Variants in C4orf36 observed in about 807,000 individuals in gnomAD.
The protein encoded by C4orf36 is chromosome 4 open reading frame 36, also known as uncharacterized protein C4orf36.
Under a neutral mutation model 12.2 loss-of-function variants are expected in C4orf36, and 11 were observed. The ratio of observed to expected loss-of-function variants is 0.90; its 90% CI spans 0.57 to 1.49. C4orf36 has a LOEUF of 1.49. C4orf36 is among the 40% of genes most tolerant of loss of function. The probability of loss-of-function intolerance (pLI) is 0.00; values close to 1 mark genes in which losing one functional copy is unlikely to be tolerated. For missense variants in C4orf36, 137 were observed against 133.9 expected (o/e 1.02, Z -0.11); for synonymous variants, 54 against 51.3 (o/e 1.05, Z -0.22).
At chr4:86,918,350 T>C in the C4orf36 span, among the ~76,000 whole-genome samples, 1 of 152,208 alleles carries the variant, frequency 6.6e-6, no homozygotes, top group Admixed American at 6.5e-5. Flanking sequence ...GACCGTGATG[T>C]AGTGCCATCT....
At chr4:86,887,968 T>C in intron 3 of C4orf36, 75 bp from the exon 4 acceptor site, 2 of 1,584,100 alleles carry the variant, frequency 1.3e-6, no homozygotes, top group Non-Finnish European at 1.7e-6. Flanking sequence ...CTGAATATCA[T>C]ACAGCAAAAT....
chr4:86,897,327 C>G (rs1311504659), upstream of C4orf36, among the ~76,000 whole-genome samples: 2 of 152,088 alleles, frequency 1.3e-5, no homozygotes, highest in Non-Finnish European at 2.9e-5. Flanking sequence ...TACCACTGCA[C>G]TCCAGCCTGG....
chr4:86,919,978 A>G, the C4orf36 span, among the ~76,000 whole-genome samples: 2 of 152,318 alleles, frequency 1.3e-5, no homozygotes, highest in Admixed American at 6.5e-5. Context: ...GCAATGAGCT[A>G]TGATCACACC....
chr4:86,893,561 G>A (rs554477629), upstream of C4orf36, among the ~76,000 whole-genome samples: 3 of 151,188 alleles, frequency 2.0e-5, no homozygotes, highest in South Asian at 4.2e-4. Context: ...ATTCCAGCCT[G>A]GGCAACAGAG....
chr4:86,930,585 G>A, the C4orf36 span, among the ~76,000 whole-genome samples: 1 of 152,166 alleles, frequency 6.6e-6, no homozygotes, highest in Non-Finnish European at 1.5e-5. Flanking sequence ...TTTGTTTTGG[G>A]GGATGAAAAA....
At chr4:86,891,646 G>A (rs1011859502) in intron 1 of C4orf36, 53 bp from the exon 2 acceptor site, 2 of 1,464,968 alleles carry the variant, frequency 1.4e-6, no homozygotes, top group Non-Finnish European at 9.1e-7. Context: ...ATATTTTGTA[G>A]CCAAATAATA....
At chr4:86,879,849 T>C (rs1172294786) in intron 4 of C4orf36, among the ~76,000 whole-genome samples, 2 of 53,642 alleles carry the variant, frequency 3.7e-5, no homozygotes, top group African/African-American at 1.1e-4. Flanking sequence ...TTTGTTTTGT[T>C]TCTTTTTTTT....
At chr4:86,894,087 C>T (rs2149425620), upstream of C4orf36, among the ~76,000 whole-genome samples, 1 of 152,000 alleles carries the variant, frequency 6.6e-6, no homozygotes, top group Non-Finnish European at 1.5e-5. Context: ...TTAGTAGAGA[C>T]GGGGTTTCAC....
chr4:86,883,003 T>C (rs1747083438), intron 4 of C4orf36, among the ~76,000 whole-genome samples: 1 of 152,198 alleles, frequency 6.6e-6, no homozygotes, highest in Non-Finnish European at 1.5e-5. Context: ...TTTCTAATAT[T>C]TAGCCATCCT....
the C4orf36 span, among the ~76,000 whole-genome samples, chr4:86,908,599 ACTCT>A: frequency 4.5e-5 from 6 of 132,022 alleles, no homozygotes; most frequent in Admixed American, 1.5e-4. Flanking sequence ...GTACACTTAC[ACTCT>A]CTCTCTCTCT....
At chr4:86,903,043 T>C in the C4orf36 span, among the ~76,000 whole-genome samples, 1 of 152,218 alleles carries the variant, frequency 6.6e-6, no homozygotes, top group African/African-American at 2.4e-5. Flanking sequence ...TTTCTTAACC[T>C]GGTTAGCAGC....
the C4orf36 span, among the ~76,000 whole-genome samples, chr4:86,931,695 GC>G: frequency 6.6e-6 from 1 of 152,134 alleles, no homozygotes; most frequent in South Asian, 2.1e-4. Flanking sequence ...ACAGTGCCTG[GC>G]CTTATTTTAT....
the C4orf36 span, among the ~76,000 whole-genome samples, chr4:86,900,716 G>A: frequency 6.6e-6 from 1 of 152,026 alleles, no homozygotes; most frequent in African/African-American, 2.4e-5. Context: ...GCCCGCCCAT[G>A]ATGCCTGAAA....
the C4orf36 span, among the ~76,000 whole-genome samples, chr4:86,930,604 G>T: frequency 6.6e-6 from 1 of 152,202 alleles, no homozygotes; most frequent in South Asian, 2.1e-4. Context: ...AAATATTATT[G>T]TGCTCACATT....
upstream of C4orf36, among the ~76,000 whole-genome samples, chr4:86,894,170 T>C (rs1747540213): frequency 6.6e-6 from 1 of 152,184 alleles, no homozygotes; most frequent in South Asian, 2.1e-4. Flanking sequence ...GTGCTGGGAT[T>C]ATAGGCGTGA....
At chr4:86,929,258 G>A in the C4orf36 span, among the ~76,000 whole-genome samples, 2 of 152,184 alleles carry the variant, frequency 1.3e-5, no homozygotes, top group African/African-American at 4.8e-5. Context: ...GGTGTAGCCA[G>A]ATGTATCTTC....
the C4orf36 span, chr4:86,924,704 CA>C: frequency 6.6e-6 from 1 of 152,194 alleles, no homozygotes; most frequent in Non-Finnish European, 1.5e-5. Flanking sequence ...CCTTGTGTGA[CA>C]AATTTTCTGT....
chr4:86,877,602 G>A (rs956063959), intron 4 of C4orf36, among the ~76,000 whole-genome samples: 1 of 152,188 alleles, frequency 6.6e-6, no homozygotes, highest in African/African-American at 2.4e-5. Flanking sequence ...TTTTTTCAGG[G>A]ATGAGGATCA....
the C4orf36 span, among the ~76,000 whole-genome samples, chr4:86,917,341 A>AGGAAGGAT: frequency 6.8e-6 from 1 of 148,036 alleles, no homozygotes; most frequent in Non-Finnish European, 1.5e-5. Flanking sequence ...GAAGGAAGGA[A>AGGAAGGAT]GGATGGAAGG....
Sources: allele counts gnomAD v4.1 joint callset (sites outside exome capture counted in the v4.1 genomes callset), GRCh38; gene constraint gnomAD v4.1.1; transcripts MANE v1.5; gene names NCBI Gene and HGNC (gene_info 2026-07-23, HGNC 2026-07-21).